A2ML1: variants seen among roughly 807,000 people sequenced by gnomAD.
A2ML1 encodes alpha-2-macroglobulin-like protein 1.
In A2ML1, 161 loss-of-function variants were observed where a neutral mutation model predicts 181.9. The observed-to-expected ratio is 0.89, with a 90% CI of 0.78 to 1.01. The LOEUF (loss-of-function observed/expected upper bound fraction) is 1.01, where lower values mean the gene tolerates loss of function less well. Ranked by LOEUF, A2ML1 falls within the 50% of genes least tolerant of loss-of-function variation. The probability of loss-of-function intolerance (pLI) is 0.00; values close to 1 mark genes in which losing one functional copy is unlikely to be tolerated. For missense variants in A2ML1, 1,670 were observed against 1,768.1 expected, an observed-to-expected ratio of 0.94 and a Z score of 1.00; for synonymous variants, 663 against 666.8, an observed-to-expected ratio of 0.99 and a Z score of 0.09.
Position 8,854,241 on chromosome 12 carries a change from C to G in A2ML1, c.2704C>G (p.Leu902Val). The G allele has an allele frequency of 6.3e-7, 1 of 1,598,992 alleles. No homozygotes were observed. Among genetic ancestry groups the G allele is most frequent in the Non-Finnish European group, 8.5e-7 (1 of 1,173,078 alleles). The change falls in exon 21 of 36, where the codon CTC becomes GTC. Residue 902 changes from leucine to valine, a missense_variant. Physicochemically the swap from Leu to Val is conservative, Grantham distance 32. Coordinates refer to ENST00000299698, the MANE Select transcript of A2ML1 (RefSeq NM_144670.6). ...AAGTGACACGCTCATCAAGCCAGTT[C>G]TCGTCAAAGTGAGTTTTCTTCAGAG... ...GRSDTLIKPV[L>V]VKPEGVLVEK...
chr12:8,834,552 A>G, intron 4 of A2ML1, 110 bp from the exon 5 acceptor site: 1 of 1,352,252 alleles, frequency 7.4e-7, no homozygotes, highest in Non-Finnish European at 1.0e-6. Flanking sequence ...AGAAATGAAG[A>G]AATGGGCAAG....
At chr12:8,836,156 C>T in intron 6 of A2ML1, 99 bp from the exon 7 acceptor site, 1 of 900,518 alleles carries the variant, frequency 1.1e-6, no homozygotes, top group Non-Finnish European at 1.8e-6. Context: ...TCATTAGATC[C>T]ATTAATTTAA....
chr12:8,825,110 A>C (rs944291055), intron 3 of A2ML1, among the ~76,000 whole-genome samples: 2 of 152,216 alleles, frequency 1.3e-5, no homozygotes, highest in African/African-American at 4.8e-5. Flanking sequence ...ATATATACTT[A>C]GCAGTGGGCT....
intron 4 of A2ML1, among the ~76,000 whole-genome samples, chr12:8,831,404 A>T (rs2136739556): frequency 6.6e-6 from 1 of 152,264 alleles, no homozygotes; most frequent in Non-Finnish European, 1.5e-5. Context: ...ATGAAGCGGG[A>T]TTACTTCCAG....
intron 26 of A2ML1, among the ~76,000 whole-genome samples, chr12:8,860,475 C>T (rs758492142): frequency 6.6e-6 from 1 of 152,204 alleles, no homozygotes; most frequent in Non-Finnish European, 1.5e-5. Context: ...CTCACCTAAT[C>T]TCTGCTGGAG....
Position 8,823,256 on chromosome 12 carries a change from G to A in A2ML1, c.137G>A (p.Gly46Glu), listed in dbSNP as rs757200771. ...VQKVCLDLSPGYSDVKFTVTL... is the reference protein window; with the variant it reads ...VQKVCLDLSPEYSDVKFTVTL... ...AAGGTTTGTTTGGACCTGAGCCCTG[G>A]GTACAGTGATGTTAAATTCACGGTT... Residue 46 changes from glycine (G) to glutamate (E), a missense_variant, in exon 2 of 36, where the codon GGG (glycine) becomes GAG (glutamate). Coordinates refer to ENST00000299698, the MANE Select transcript of A2ML1 (RefSeq NM_144670.6). 1.3e-4 allele frequency: 214 copies of A among 1,613,926 alleles called. No homozygotes were observed. Among genetic ancestry groups the A allele is most frequent in the Non-Finnish European group, 1.7e-4 (202 of 1,180,012 alleles).
At chr12:8,834,789 C>T (rs1943220339) in intron 5 of A2ML1, 107 bp downstream of exon 5, 1 of 1,389,426 alleles carries the variant, frequency 7.2e-7, no homozygotes, top group African/African-American at 1.4e-5. Flanking sequence ...TGGCCCAGAG[C>T]CCCATGACTC....
intron 10 of A2ML1, 116 bp from the exon 11 acceptor site, chr12:8,841,253 A>G (rs1943469531): frequency 1.2e-6 from 1 of 867,272 alleles, no homozygotes; most frequent in Non-Finnish European, 1.8e-6. Flanking sequence ...AAATTCTGTT[A>G]TTACTTTTAG....
At position 8,863,929 on chromosome 12, in the gene A2ML1, A is replaced by T. The variant is rs771603532; in HGVS notation, c.3638A>T (p.Lys1213Met). Residue 1213 changes from lysine (K) to methionine (M), a missense_variant, in exon 29 of 36, where the codon AAG becomes ATG. Lys to Met is a moderately conservative substitution (Grantham distance 95). Transcript: ENST00000299698. Reference sequence around the variant, plus strand: ...CTTACCAAGCCCAGCCTGACTCAAAAGGAGATAGCGAAGGCCACTAGCATA... The same window carrying T: ...CTTACCAAGCCCAGCCTGACTCAAATGGAGATAGCGAAGGCCACTAGCATA... ...AQLTKPSLTQ[K>M]EIAKATSIVA... 1 of 1,614,084 alleles carries T rather than the reference A, an allele frequency of 6.2e-7. No homozygotes were observed. Among genetic ancestry groups the T allele is most frequent in the Non-Finnish European group, 8.5e-7 (1 of 1,179,996 alleles).
At position 8,839,134 on chromosome 12, in the gene A2ML1, A is replaced by T. The variant is rs997290333; in HGVS notation, c.992A>T (p.Gln331Leu). The change falls in exon 10 of 36, where the codon CAG (glutamine) becomes CTG (leucine). Residue 331 changes from glutamine (Q) to leucine (L), a missense_variant. By Grantham distance (113) the Gln-to-Leu change is moderately radical. Coordinates refer to ENST00000299698, the MANE Select transcript of A2ML1 (RefSeq NM_144670.6). ...GCAGGTGTGGAGGCCAATGCCACTCAGAATATCTACATTTCTCCACAAATG... is the reference window on the plus strand; with the variant it reads ...GCAGGTGTGGAGGCCAATGCCACTCTGAATATCTACATTTCTCCACAAATG... ...EGTGVEANATQNIYISPQMGS... is the reference protein window; with the variant it reads ...EGTGVEANATLNIYISPQMGS... 2 of 1,613,240 alleles carry T rather than the reference A, an allele frequency of 1.2e-6. No homozygotes were observed. The highest frequency in any genetic ancestry group is 2.7e-5 in the African/African-American group (2 of 74,984).
chr12:8,865,880 T>A (rs10771135), intron 29 of A2ML1, among the ~76,000 whole-genome samples: 54,862 of 152,182 alleles, frequency 0.36, 11,468 homozygotes, highest in East Asian at 0.79. Flanking sequence ...CAGAAATAAC[T>A]AAGAAAATAT....
At position 8,843,276 on chromosome 12, in the gene A2ML1, G is replaced by C. The variant is rs1943552763; in HGVS notation, c.1391G>C (p.Cys464Ser). Residue 464 changes from cysteine (C) to serine (S), a missense_variant, in exon 12 of 36, where the codon TGT (cysteine) becomes TCT (serine). Coordinates refer to ENST00000299698, the MANE Select transcript of A2ML1 (RefSeq NM_144670.6). ...GIHRLNGPLKCGQPQEVLVDY... is the reference protein window; with the variant it reads ...GIHRLNGPLKSGQPQEVLVDY... ...CACCGGCTAAACGGCCCCTTGAAAT[G>C]TGGCCAGCCCCAGGAAGTGCTGGTG... 6.2e-7 allele frequency: 1 copy of C among 1,614,098 alleles called. No individual in the cohort carries two copies. Among genetic ancestry groups the C allele is most frequent in the Non-Finnish European group, 8.5e-7 (1 of 1,180,046 alleles).
intron 23 of A2ML1, 122 bp downstream of exon 23, chr12:8,855,714 A>C: frequency 1.1e-6 from 1 of 885,974 alleles, no homozygotes; most frequent in Middle Eastern, 2.6e-4. Flanking sequence ...TGATGAAGGA[A>C]AAAGAGCGTA....
chr12:8,832,033 A>G (rs766286293), intron 4 of A2ML1, among the ~76,000 whole-genome samples: 1 of 152,296 alleles, frequency 6.6e-6, no homozygotes, highest in South Asian at 2.1e-4. Context: ...TACAGGCGTG[A>G]GCCACCGCGC....
intron 10 of A2ML1, among the ~76,000 whole-genome samples, chr12:8,840,684 C>T (rs949996152): frequency 1.3e-5 from 2 of 151,530 alleles, no homozygotes; most frequent in East Asian, 1.9e-4. Flanking sequence ...CTGAGGCGGG[C>T]GAATCACGAG....
At chr12:8,873,952 T>G (rs1205762799) in intron 33 of A2ML1, among the ~76,000 whole-genome samples, 1 of 152,060 alleles carries the variant, frequency 6.6e-6, no homozygotes, top group East Asian at 1.9e-4. Flanking sequence ...GGCAATGTCT[T>G]TAAGACTCAT....
downstream of A2ML1, among the ~76,000 whole-genome samples, chr12:8,879,262 C>T (rs753351636): frequency 6.6e-6 from 1 of 152,128 alleles, no homozygotes; most frequent in South Asian, 2.1e-4. Context: ...GAGGCTTAGG[C>T]GGGCGGATCA....
At chr12:8,868,772 G>T in intron 32 of A2ML1, 145 bp downstream of exon 32, 1 of 645,282 alleles carries the variant, frequency 1.5e-6, no homozygotes, top group Non-Finnish European at 2.7e-6. Context: ...GTATGTATAT[G>T]TATGTACACT....
intron 32 of A2ML1, among the ~76,000 whole-genome samples, chr12:8,868,931 TAC>T: frequency 6.6e-6 from 1 of 152,244 alleles, no homozygotes; most frequent in African/African-American, 2.4e-5. Flanking sequence ...TATATATTCA[TAC>T]ACACAAACTC....
Sources: allele counts gnomAD v4.1 joint callset (sites outside exome capture counted in the v4.1 genomes callset), GRCh38; gene constraint gnomAD v4.1.1; transcripts MANE v1.5; gene names NCBI Gene and HGNC (gene_info 2026-07-23, HGNC 2026-07-21).